RBFOX1: variants seen among roughly 807,000 people sequenced by gnomAD.
RBFOX1 encodes RNA binding fox-1 homolog 1.
Under a neutral mutation model 57.7 loss-of-function variants are expected in RBFOX1, and 8 were observed. The observed-to-expected ratio is 0.14, with a 90% CI of 0.08 to 0.25. The LOEUF (loss-of-function observed/expected upper bound fraction) is 0.25, where lower values mean the gene tolerates loss of function less well. Ranked by LOEUF, RBFOX1 falls within the 10% of genes least tolerant of loss-of-function variation. RBFOX1 has a pLI of 1.00. For missense variants in RBFOX1, 611 were observed against 548.5 expected, an observed-to-expected ratio of 1.11 and a Z score of -1.14; for synonymous variants, 326 against 222.4, an observed-to-expected ratio of 1.47 and a Z score of -4.15.
intron 1 of RBFOX1, among the ~76,000 whole-genome samples, chr16:5,466,689 A>G (rs898561705): frequency 2.6e-5 from 4 of 152,118 alleles, no homozygotes; most frequent in Non-Finnish European, 4.4e-5. Flanking sequence ...TGCCTCCTTG[A>G]CATCATCTCT....
At chr16:5,893,880 TAAAC>T (rs2058099969) in intron 4 of RBFOX1, among the ~76,000 whole-genome samples, 1 of 151,530 alleles carries the variant, frequency 6.6e-6, no homozygotes, top group Non-Finnish European at 1.5e-5. Context: ...AGATTAAACA[TAAAC>T]AAGTAAAGTG....
chr16:6,716,331 C>T (rs1029293551), intron 3 of RBFOX1, among the ~76,000 whole-genome samples: 1 of 152,164 alleles, frequency 6.6e-6, no homozygotes, highest in Admixed American at 6.5e-5. Flanking sequence ...TTTTCCATGA[C>T]CTTCCCTCTT....
chr16:5,941,577 C>T (rs1193919463), intron 4 of RBFOX1, among the ~76,000 whole-genome samples: 6 of 151,956 alleles, frequency 3.9e-5, no homozygotes, highest in Non-Finnish European at 8.8e-5. Flanking sequence ...GCTTACTTTG[C>T]ACATAAGTAT....
intron 4 of RBFOX1, among the ~76,000 whole-genome samples, chr16:7,361,352 A>G (rs1020934670): frequency 1.3e-5 from 2 of 152,260 alleles, no homozygotes; most frequent in South Asian, 4.1e-4. Context: ...AAAGCTTTGC[A>G]TTAAGCAGAT....
intron 1 of RBFOX1, among the ~76,000 whole-genome samples, chr16:5,414,244 A>G (rs1173050189): frequency 1.3e-5 from 2 of 152,082 alleles, no homozygotes; most frequent in Non-Finnish European, 2.9e-5. Flanking sequence ...TGTGGAGGAG[A>G]GAGTGTTGTT....
At chr16:6,315,772 C>G (rs1029389814) in intron 1 of RBFOX1, among the ~76,000 whole-genome samples, 1 of 152,206 alleles carries the variant, frequency 6.6e-6, no homozygotes, top group South Asian at 2.1e-4. Flanking sequence ...TCTTGGGTCT[C>G]TCTGCAGGTC....
chr16:5,574,788 C>T (rs1212839998), intron 2 of RBFOX1, among the ~76,000 whole-genome samples: 3 of 152,166 alleles, frequency 2.0e-5, no homozygotes, highest in African/African-American at 2.4e-5. Context: ...AACCTGGGGG[C>T]TTACAGTGAA....
At chr16:7,170,157 C>T (rs1044297656) in intron 4 of RBFOX1, among the ~76,000 whole-genome samples, 4 of 152,192 alleles carry the variant, frequency 2.6e-5, no homozygotes, top group African/African-American at 7.2e-5. Flanking sequence ...GACAGAACTT[C>T]AAATTTCCAA....
chr16:6,971,179 G>T (rs544766650), intron 3 of RBFOX1, among the ~76,000 whole-genome samples: 1 of 152,184 alleles, frequency 6.6e-6, no homozygotes, highest in Non-Finnish European at 1.5e-5. Flanking sequence ...TTGGGAAAAA[G>T]TATCCGCTAT....
At chr16:5,786,717 A>C (rs910710251) in intron 3 of RBFOX1, among the ~76,000 whole-genome samples, 5 of 152,188 alleles carry the variant, frequency 3.3e-5, no homozygotes, top group African/African-American at 1.2e-4. Flanking sequence ...CAGGCTGGTC[A>C]TACTCATTAC....
chr16:6,976,670 A>G lies in RBFOX1; in HGVS notation c.-15-75387A>G, dbSNP rs113293130. Among the ~76,000 whole-genome samples, 34 of 149,484 alleles carry G rather than the reference A, an allele frequency of 2.3e-4. No homozygotes were observed. In the South Asian group the frequency reaches 2.7e-3, roughly 12 times the overall value. The stretch of plus-strand genomic sequence containing the variant: ...CAATGTTTATATATATATGATATAT[A>G]TATCATATATATCATACCTATAGCA... On this transcript the variant is annotated intron_variant, in intron 3 of 15. Transcript: ENST00000550418.
chr16:5,488,881 A>G (rs1328042691), intron 2 of RBFOX1, among the ~76,000 whole-genome samples: 1 of 152,062 alleles, frequency 6.6e-6, no homozygotes, highest in Non-Finnish European at 1.5e-5. Flanking sequence ...GGAGATGATG[A>G]TGATGGAATA....
intron 3 of RBFOX1, among the ~76,000 whole-genome samples, chr16:6,858,136 T>C (rs1012846615): frequency 6.6e-6 from 1 of 152,212 alleles, no homozygotes. Flanking sequence ...AATACAGTTA[T>C]TAACGTGACT....
At chr16:6,362,960 G>A (rs1171055719) in intron 2 of RBFOX1, among the ~76,000 whole-genome samples, 1 of 152,160 alleles carries the variant, frequency 6.6e-6, no homozygotes, top group Non-Finnish European at 1.5e-5. Context: ...AGGTTGTACA[G>A]CCTGCCACCT....
chr16:6,068,131 C>A (rs2095790792), intron 1 of RBFOX1, among the ~76,000 whole-genome samples: 1 of 152,060 alleles, frequency 6.6e-6, no homozygotes. Context: ...ACTAAGGAAA[C>A]ATGGTTCTGT....
exon 3 of RBFOX1, chr16:5,599,049 C>A (rs1235006828): frequency 1.7e-6 from 2 of 1,209,160 alleles, no homozygotes; most frequent in East Asian, 2.5e-5. Flanking sequence ...CATCAATCAC[C>A]GGGAATGGTT....
At chr16:7,693,347 T>C in intron 14 of RBFOX1, 1 of 1,613,518 alleles carries the variant, frequency 6.2e-7, no homozygotes, top group Non-Finnish European at 8.5e-7. Context: ...GCAGATGAAA[T>C]TTCTTGTAAC....
At chr16:7,203,458 G>C (rs2089170212) in intron 4 of RBFOX1, among the ~76,000 whole-genome samples, 2 of 152,170 alleles carry the variant, frequency 1.3e-5, no homozygotes, top group Non-Finnish European at 2.9e-5. Flanking sequence ...TGGAGGTTAT[G>C]GTGGTGATGG....
At chr16:5,395,443 C>T (rs1258822089) in intron 1 of RBFOX1, among the ~76,000 whole-genome samples, 1 of 148,586 alleles carries the variant, frequency 6.7e-6, no homozygotes, top group Admixed American at 6.6e-5. Flanking sequence ...AGGTCATGGG[C>T]CTTTGGAGTT....
Sources: gnomAD v4.1 joint callset for allele counts (sites outside exome capture counted in the v4.1 genomes callset) on GRCh38, gnomAD v4.1.1 for gene constraint, MANE v1.5 for transcripts, NCBI Gene and HGNC (gene_info 2026-07-23, HGNC 2026-07-21) for gene names.